Variants in ADCY9 observed in about 807,000 individuals in gnomAD.
The protein encoded by ADCY9 is adenylate cyclase type 9.
Under a neutral mutation model 101.5 loss-of-function variants are expected in ADCY9, and 50 were observed. The observed-to-expected ratio is 0.49, with a 90% CI of 0.39 to 0.62. ADCY9 has a LOEUF of 0.62. ADCY9 is among the 20% of genes least tolerant of loss of function. The pLI is 0.00. For synonymous variants in ADCY9, 905 were observed against 769.3 expected, an observed-to-expected ratio of 1.18 and a Z score of -2.92; for missense variants, 1,662 against 1,800.4, an observed-to-expected ratio of 0.92 and a Z score of 1.39.
intron 5 of ADCY9, among the ~76,000 whole-genome samples, chr16:3,991,490 CA>C (rs954748286): frequency 2.6e-5 from 4 of 151,984 alleles, no homozygotes; most frequent in African/African-American, 7.2e-5. Flanking sequence ...AGGCCAGGCA[CA>C]GGCTCACACC....
chr16:4,076,842 C>T (rs1403463578), intron 2 of ADCY9, among the ~76,000 whole-genome samples: 1 of 151,948 alleles, frequency 6.6e-6, no homozygotes, highest in East Asian at 1.9e-4. Context: ...TTTGGGAGGC[C>T]AAGGGAGGAG....
intron 2 of ADCY9, among the ~76,000 whole-genome samples, chr16:4,007,875 G>A (rs1482263400): frequency 6.6e-6 from 1 of 152,134 alleles, no homozygotes; most frequent in Admixed American, 6.5e-5. Context: ...GGACCTCCCC[G>A]TGAAGGCAGC....
chr16:4,066,667 G>T (rs1412730306), intron 2 of ADCY9, among the ~76,000 whole-genome samples: 3 of 152,092 alleles, frequency 2.0e-5, no homozygotes, highest in African/African-American at 7.2e-5. Context: ...TTATAAGTGT[G>T]AGCCACAGCT....
rs780834261 is a variant in ADCY9 at position 3,993,495 on chromosome 16, C to T, written c.1900G>A (p.Gly634Arg). ...FDNLKTCPSCGITFAPKSEAG... is the reference protein window; with the variant it reads ...FDNLKTCPSCRITFAPKSEAG... ...TCAGATTTGGGAGCAAATGTGATTC[C>T]GCACGAAGGGCAGGTCTAGAAGAAA... The change falls in exon 4 of 11, where the codon GGA becomes AGA. Residue 634 changes from glycine (G) to arginine (R), a missense_variant. Physicochemically the swap from Gly to Arg is moderately radical, Grantham distance 125. Coordinates refer to ENST00000294016, the MANE Select transcript of ADCY9 (RefSeq NM_001116.4). 33 of 1,613,944 alleles carry T rather than the reference C, an allele frequency of 2.0e-5. No homozygotes were observed. Among genetic ancestry groups the T allele is most frequent in the East Asian group, 4.5e-5 (2 of 44,884 alleles).
intron 6 of ADCY9, chr16:3,983,706 G>C (rs1217378726): frequency 2.0e-6 from 1 of 487,988 alleles, no homozygotes; most frequent in Non-Finnish European, 3.7e-6. Context: ...ACGTAGGAGG[G>C]TCGCTGGAGC....
intron 10 of ADCY9, among the ~76,000 whole-genome samples, chr16:3,967,751 G>A (rs1192848648): frequency 6.8e-6 from 1 of 146,430 alleles, no homozygotes; most frequent in East Asian, 2.0e-4. Context: ...AGGCTAGAGT[G>A]CAGTGGTGCG....
chr16:4,055,084 G>C (rs965468938), intron 2 of ADCY9, among the ~76,000 whole-genome samples: 3 of 152,146 alleles, frequency 2.0e-5, no homozygotes, highest in African/African-American at 7.2e-5. Flanking sequence ...CGGAAGGGGA[G>C]GCACACAAGG....
At chr16:4,019,005 T>C (rs1460514184) in intron 2 of ADCY9, among the ~76,000 whole-genome samples, 1 of 146,454 alleles carries the variant, frequency 6.8e-6, no homozygotes, top group Non-Finnish European at 1.5e-5. Flanking sequence ...AGAAAAGGTC[T>C]TTCTCTGTCA....
intron 7 of ADCY9, among the ~76,000 whole-genome samples, chr16:3,980,559 C>T (rs1472733974): frequency 3.9e-5 from 6 of 152,300 alleles, no homozygotes; most frequent in East Asian, 1.9e-4. Flanking sequence ...CAGAGCCCCC[C>T]GCCCCCAGCC....
chr16:3,983,704 G>T, intron 6 of ADCY9: 1 of 493,862 alleles, frequency 2.0e-6, no homozygotes, highest in East Asian at 3.4e-5. Flanking sequence ...TGACGTAGGA[G>T]GGTCGCTGGA....
At chr16:4,105,842 T>C (rs555614911) in intron 2 of ADCY9, among the ~76,000 whole-genome samples, 1 of 152,152 alleles carries the variant, frequency 6.6e-6, no homozygotes, top group African/African-American at 2.4e-5. Context: ...GAAGACCCTG[T>C]CTCAAAAAGA....
chr16:4,028,710 T>C (rs2056534072), intron 2 of ADCY9, among the ~76,000 whole-genome samples: 1 of 152,216 alleles, frequency 6.6e-6, no homozygotes, highest in African/African-American at 2.4e-5. Flanking sequence ...ACAGCTGAGC[T>C]TCATAGTGTG....
At chr16:4,093,702 T>A (rs766799544) in intron 2 of ADCY9, among the ~76,000 whole-genome samples, 1 of 152,194 alleles carries the variant, frequency 6.6e-6, no homozygotes, top group East Asian at 1.9e-4. Flanking sequence ...GAGGCTGCAA[T>A]GAGCTGAGAT....
intron 2 of ADCY9, among the ~76,000 whole-genome samples, chr16:4,063,913 A>G (rs1050408673): frequency 6.6e-6 from 1 of 152,208 alleles, no homozygotes. Flanking sequence ...TACTCTCACC[A>G]TTTCTACTCA....
chr16:4,027,551 G>T (rs369541830), intron 2 of ADCY9, among the ~76,000 whole-genome samples: 1 of 152,322 alleles, frequency 6.6e-6, no homozygotes, highest in African/African-American at 2.4e-5. Context: ...AGGGAAGAGA[G>T]AGAGTGTGTG....
chr16:4,079,798 G>A (rs567008926), intron 2 of ADCY9, among the ~76,000 whole-genome samples: 1 of 151,950 alleles, frequency 6.6e-6, no homozygotes, highest in African/African-American at 2.4e-5. Context: ...TATATGCACT[G>A]AAAAAGTCTA....
At chr16:3,996,532 T>G (rs1406558471) in intron 3 of ADCY9, among the ~76,000 whole-genome samples, 1 of 152,160 alleles carries the variant, frequency 6.6e-6, no homozygotes, top group African/African-American at 2.4e-5. Flanking sequence ...GGGGGCTTGG[T>G]GCTTGATGGG....
chr16:4,103,386 C>T (rs2057056201), intron 2 of ADCY9, among the ~76,000 whole-genome samples: 1 of 152,214 alleles, frequency 6.6e-6, no homozygotes, highest in Non-Finnish European at 1.5e-5. Context: ...TCAGTGTTGA[C>T]ACTTGCAGTG....
chr16:4,093,630 G>A (rs967613532), intron 2 of ADCY9, among the ~76,000 whole-genome samples: 6 of 151,906 alleles, frequency 3.9e-5, no homozygotes, highest in African/African-American at 1.2e-4. Flanking sequence ...GTTGGCATGC[G>A]CCTGCAGTCC....
Sources: gnomAD v4.1 joint callset for allele counts (sites outside exome capture counted in the v4.1 genomes callset) on GRCh38, gnomAD v4.1.1 for gene constraint, MANE v1.5 for transcripts, NCBI Gene and HGNC (gene_info 2026-07-23, HGNC 2026-07-21) for gene names.